GSDMC: variants seen among roughly 807,000 people sequenced by gnomAD.
GSDMC encodes the protein gasdermin C, also known as gasdermin-C.
GSDMC carries 59 observed loss-of-function variants against 58.0 expected under a neutral mutation model. The ratio of observed to expected loss-of-function variants is 1.02; its 90% confidence interval spans 0.82 to 1.26. GSDMC has a LOEUF of 1.26. GSDMC is among the 50% of genes most tolerant of loss of function. GSDMC has a pLI of 0.00. For synonymous variants in GSDMC, 241 were observed against 220.2 expected (o/e 1.09, Z -0.83); for missense variants, 659 against 598.5 (o/e 1.10, Z -1.06).
the GSDMC span, among the ~76,000 whole-genome samples, chr8:129,727,327 C>A: frequency 6.6e-6 from 1 of 152,120 alleles, no homozygotes; most frequent in Non-Finnish European, 1.5e-5. Flanking sequence ...GCATAAAGAT[C>A]AACTCTGTGA....
chr8:129,733,619 C>T, the GSDMC span, among the ~76,000 whole-genome samples: 1 of 152,174 alleles, frequency 6.6e-6, no homozygotes, highest in South Asian at 2.1e-4. Context: ...AAAAGAATAG[C>T]ATCAACATCA....
At chr8:129,769,381 G>GA (rs911804402) in intron 3 of GSDMC, among the ~76,000 whole-genome samples, 8 of 152,030 alleles carry the variant, frequency 5.3e-5, no homozygotes, top group Non-Finnish European at 1.2e-4. Context: ...GATACTGAAA[G>GA]AAAAAAACTG....
intron 3 of GSDMC, among the ~76,000 whole-genome samples, chr8:129,766,960 T>C (rs2033883007): frequency 6.6e-6 from 1 of 152,192 alleles, no homozygotes; most frequent in South Asian, 2.1e-4. Flanking sequence ...CAGCAATCAC[T>C]GCATGGATCT....
At chr8:129,712,817 A>G in the GSDMC span, among the ~76,000 whole-genome samples, 1 of 152,230 alleles carries the variant, frequency 6.6e-6, no homozygotes, top group Admixed American at 6.5e-5. Flanking sequence ...GAGTTTCTTA[A>G]AACTCTCCTG....
intron 3 of GSDMC, 120 bp downstream of exon 3, chr8:129,775,979 TCTG>T: frequency 1.4e-6 from 1 of 718,502 alleles, no homozygotes; most frequent in East Asian, 2.7e-5. Flanking sequence ...AGTAGCAAAA[TCTG>T]GGCTGTCATC....
At chr8:129,763,334 A>G (rs189690172) in intron 4 of GSDMC, among the ~76,000 whole-genome samples, 100 of 152,258 alleles carry the variant, frequency 6.6e-4, no homozygotes, top group Admixed American at 1.4e-3. Flanking sequence ...AGAAATATTT[A>G]TGGTTGTCTT....
In GSDMC at chr8:129,765,628, C is replaced by T; in HGVS notation, c.570G>A (p.Lys190=). 6.2e-7 allele frequency: 1 copy of T among 1,611,368 alleles called. No homozygotes were observed. Among genetic ancestry groups the T allele is most frequent in the Non-Finnish European group, 8.5e-7 (1 of 1,177,642 alleles). ...GKIALWITYG[K]GQGQGESLRV... ...ATCCCACTTCAGGACAACTTTATAC[C>T]TTGCCATAGGTAATCCAAAGAGCAA... The change falls in exon 4 of 14, where the codon AAG becomes AAA. Residue 190 remains lysine (K), a splice_region_variant and synonymous_variant. Transcript: ENST00000276708.
At chr8:129,767,288 C>A (rs1431476521) in intron 3 of GSDMC, among the ~76,000 whole-genome samples, 1 of 152,022 alleles carries the variant, frequency 6.6e-6, no homozygotes, top group Non-Finnish European at 1.5e-5. Context: ...TAAGACTTTG[C>A]CCAAATAGGG....
chr8:129,731,885 T>G, the GSDMC span, among the ~76,000 whole-genome samples: 1 of 152,242 alleles, frequency 6.6e-6, no homozygotes, highest in East Asian at 1.9e-4. Flanking sequence ...CACCTAAAAT[T>G]AACTGTCACA....
chr8:129,737,096 C>A, the GSDMC span, among the ~76,000 whole-genome samples: 1 of 152,072 alleles, frequency 6.6e-6, no homozygotes, highest in Non-Finnish European at 1.5e-5. Context: ...ATGTGAAGGA[C>A]CTCTTCAAGG....
chr8:129,773,610 C>G (rs1400406216), intron 3 of GSDMC, among the ~76,000 whole-genome samples: 2 of 151,858 alleles, frequency 1.3e-5, no homozygotes, highest in Admixed American at 1.3e-4. Flanking sequence ...TATGGCAAAA[C>G]CCCATCTCTA....
chr8:129,722,426 T>C, the GSDMC span, among the ~76,000 whole-genome samples: 2 of 152,348 alleles, frequency 1.3e-5, no homozygotes, highest in South Asian at 2.1e-4. Flanking sequence ...TCACCTGTCA[T>C]GGATGGGATT....
chr8:129,740,098 G>T, the GSDMC span, among the ~76,000 whole-genome samples: 5 of 152,090 alleles, frequency 3.3e-5, no homozygotes, highest in African/African-American at 1.2e-4. Flanking sequence ...AAAGCTTATA[G>T]AATAAGGATA....
intron 6 of GSDMC, among the ~76,000 whole-genome samples, chr8:129,756,184 C>CA (rs57820154): frequency 0.21 from 28,952 of 140,088 alleles, 2,894 homozygotes; most frequent in African/African-American, 0.24. Context: ...TAATGGAAAC[C>CA]AAAAAAAAAA....
the GSDMC span, among the ~76,000 whole-genome samples, chr8:129,732,565 G>T: frequency 6.6e-6 from 1 of 152,110 alleles, no homozygotes; most frequent in African/African-American, 2.4e-5. Flanking sequence ...CTACAGCAAT[G>T]GTCTGTAATC....
chr8:129,757,382 T>C (rs535011110), intron 6 of GSDMC, among the ~76,000 whole-genome samples: 145 of 152,152 alleles, frequency 9.5e-4, no homozygotes, highest in Non-Finnish European at 1.7e-3. Flanking sequence ...AGATCAGTAA[T>C]GAGTAATGAG....
chr8:129,759,630 C>T (rs1203835486), intron 6 of GSDMC, among the ~76,000 whole-genome samples: 1 of 152,140 alleles, frequency 6.6e-6, no homozygotes, highest in East Asian at 1.9e-4. Flanking sequence ...CATCACTGAT[C>T]TTCTGAGAAA....
intron 6 of GSDMC, among the ~76,000 whole-genome samples, chr8:129,757,037 A>G (rs570804671): frequency 6.6e-6 from 1 of 152,250 alleles, no homozygotes; most frequent in Admixed American, 6.5e-5. Context: ...AATTAGAAAA[A>G]AAGAAATAAT....
At chr8:129,727,446 A>G in the GSDMC span, among the ~76,000 whole-genome samples, 2 of 152,168 alleles carry the variant, frequency 1.3e-5, no homozygotes, top group Non-Finnish European at 2.9e-5. Context: ...ATGGCTGATA[A>G]AAGTAAGTGA....
Sources: gnomAD v4.1 joint callset for allele counts (sites outside exome capture counted in the v4.1 genomes callset) on GRCh38, gnomAD v4.1.1 for gene constraint, MANE v1.5 for transcripts, NCBI Gene and HGNC (gene_info 2026-07-23, HGNC 2026-07-21) for gene names.